Variants in SH2D3C observed in about 807,000 individuals in gnomAD.
The protein encoded by SH2D3C is SH2 domain-containing protein 3C.
SH2D3C carries 25 observed loss-of-function variants against 75.2 expected under a neutral mutation model. The observed-to-expected ratio is 0.33, with a 90% CI of 0.24 to 0.46. SH2D3C has a LOEUF of 0.46. Ranked by LOEUF, SH2D3C falls within the 20% of genes least tolerant of loss-of-function variation. The pLI is 1.00. For missense variants in SH2D3C, 933 were observed against 1,165.3 expected, an observed-to-expected ratio of 0.80 and a Z score of 2.90; for synonymous variants, 450 against 473.7, an observed-to-expected ratio of 0.95 and a Z score of 0.65.
At chr9:127,743,650 C>T (rs1373094247) in intron 7 of SH2D3C, among the ~76,000 whole-genome samples, 2 of 152,232 alleles carry the variant, frequency 1.3e-5, no homozygotes, top group African/African-American at 4.8e-5. Context: ...GTCCTCCCTG[C>T]CACCCTGGAC....
chr9:127,773,022 C>T (rs901623979), intron 2 of SH2D3C, among the ~76,000 whole-genome samples: 6 of 151,636 alleles, frequency 4.0e-5, no homozygotes, highest in Non-Finnish European at 5.9e-5. Context: ...TTAGTAGAGA[C>T]GGGGTTTTAC....
At chr9:127,742,997 CTGT>C in intron 7 of SH2D3C, 33 bp from the exon 8 acceptor site, 1 of 1,531,556 alleles carries the variant, frequency 6.5e-7, no homozygotes, top group Non-Finnish European at 9.0e-7. Flanking sequence ...GATTAATATC[CTGT>C]CAGGGCTGGC....
In SH2D3C at chr9:127,744,934, T is replaced by A; in HGVS notation, c.1430A>T (p.Lys477Met). The part of the protein sequence containing the change: ...PHTSPSHTLG[K>M]ASPSPSLSSY... ...GCTGAGTGATGGTGACGGGGAGGCCTTGCCAAGGGTGTGGGAGGGGCTGGT... is the reference window on the plus strand; with the variant it reads ...GCTGAGTGATGGTGACGGGGAGGCCATGCCAAGGGTGTGGGAGGGGCTGGT... The change falls in exon 7 of 12, where the codon AAG (lysine) becomes ATG (methionine). Residue 477 changes from lysine (K) to methionine (M), a missense_variant. Physicochemically the swap from Lys to Met is moderately conservative, Grantham distance 95. Coordinates refer to ENST00000314830, the MANE Select transcript of SH2D3C (RefSeq NM_170600.3). The A allele has an allele frequency of 6.3e-7, 1 of 1,590,972 alleles. No homozygotes were observed.
At chr9:127,744,393 C>A (rs1469640379) in intron 7 of SH2D3C, among the ~76,000 whole-genome samples, 171 bp downstream of exon 7, 1 of 152,088 alleles carries the variant, frequency 6.6e-6, no homozygotes, top group East Asian at 1.9e-4. Flanking sequence ...AAACTGGAGG[C>A]CCAGTGAGGC....
At position 127,774,357 on chromosome 9, in the gene SH2D3C, A is replaced by T. The variant is rs1210856680; in HGVS notation, c.148T>A (p.Phe50Ile). Residue 50 changes from phenylalanine to isoleucine, a missense_variant, in exon 2 of 12, where the codon TTT becomes ATT. Coordinates refer to ENST00000314830, the MANE Select transcript of SH2D3C (RefSeq NM_170600.3). This position sits in a 1 kb window ranked among gnomAD's most constrained non-coding sequence, Gnocchi z 4.3. ...SRQSHLEPDTFEATQDDMVTV... is the reference protein window; with the variant it reads ...SRQSHLEPDTIEATQDDMVTV... Reference sequence around the variant, plus strand: ...ACCATGTCATCCTGCGTGGCTTCAAAGGTGTCAGGCTCCAAATGGGACTGC... The same window carrying T: ...ACCATGTCATCCTGCGTGGCTTCAATGGTGTCAGGCTCCAAATGGGACTGC... 6.2e-7 allele frequency: 1 copy of T among 1,613,792 alleles called. No individual in the cohort carries two copies.
At chr9:127,772,500 T>C (rs1845754595) in intron 2 of SH2D3C, among the ~76,000 whole-genome samples, 1 of 152,198 alleles carries the variant, frequency 6.6e-6, no homozygotes. Context: ...GACCTTGTGA[T>C]CTGCCTACCT....
intron 4 of SH2D3C, among the ~76,000 whole-genome samples, chr9:127,750,140 TTTATTA>T (rs1005620219): frequency 6.6e-6 from 1 of 150,378 alleles, no homozygotes; most frequent in Non-Finnish European, 1.5e-5. Flanking sequence ...GATGAACTTC[TTTATTA>T]TTATTATTAT....
chr9:127,771,367 A>C, intron 2 of SH2D3C: 2 of 1,349,390 alleles, frequency 1.5e-6, no homozygotes, highest in Non-Finnish European at 9.5e-7. Context: ...GCCCCCAGAC[A>C]CGCCCCTGCG....
chr9:127,768,409 C>T (rs936008773), intron 2 of SH2D3C, among the ~76,000 whole-genome samples: 3 of 151,882 alleles, frequency 2.0e-5, no homozygotes, highest in East Asian at 3.9e-4. Context: ...TCCAAACAGC[C>T]CCTTGGGAGT....
At chr9:127,768,679 T>C (rs2131804676) in intron 2 of SH2D3C, among the ~76,000 whole-genome samples, 1 of 152,324 alleles carries the variant, frequency 6.6e-6, no homozygotes, top group East Asian at 1.9e-4. Flanking sequence ...AGGCCAGCAA[T>C]GGCTCCCGTT....
intron 7 of SH2D3C, among the ~76,000 whole-genome samples, chr9:127,743,941 C>A (rs1467400965): frequency 6.6e-6 from 1 of 152,138 alleles, no homozygotes; most frequent in Non-Finnish European, 1.5e-5. Flanking sequence ...GCTGGCTAAC[C>A]CTCAAGAGGC....
chr9:127,738,444 G>A lies in SH2D3C; in HGVS notation c.*302C>T. On this transcript the variant is annotated 3_prime_UTR_variant, in exon 12 of 12. Coordinates refer to ENST00000314830, the MANE Select transcript of SH2D3C (RefSeq NM_170600.3). This position sits in a 1 kb window ranked among gnomAD's most constrained non-coding sequence, Gnocchi z 5.0. ...TGGTGAGGGACAGACAGAGAGTGAG[G>A]AGGCGTGAGCAGCCTGCCTCCCATG... 1 of 269,512 alleles carries A rather than the reference G, an allele frequency of 3.7e-6. No individual in the cohort carries two copies. The highest frequency in any genetic ancestry group is 7.1e-6 in the Non-Finnish European group (1 of 141,808). 16.7% of individuals were successfully genotyped at this position (269,512 alleles called of 1,614,324 possible).
In SH2D3C at chr9:127,739,660, C is replaced by CA. The variant is rs780557415; in HGVS notation, c.2407+21dup. 2.5e-6 allele frequency: 4 copies of CA among 1,586,206 alleles called. No homozygotes were observed. The highest frequency in any genetic ancestry group is 2.6e-6 in the Non-Finnish European group (3 of 1,162,776). On this transcript the variant is annotated intron_variant, in intron 11 of 11. Coordinates refer to ENST00000314830, the MANE Select transcript of SH2D3C (RefSeq NM_170600.3). This position sits in a 1 kb window ranked among gnomAD's most constrained non-coding sequence, Gnocchi z 4.3. ...GGGAGGCCCAGGCCTGCAAGCCCCC[C>CA]AAGATGCCACCCGCCACTCACCCTG...
At chr9:127,764,696 T>C (rs1564423107) in intron 2 of SH2D3C, among the ~76,000 whole-genome samples, 1 of 151,842 alleles carries the variant, frequency 6.6e-6, no homozygotes, top group Non-Finnish European at 1.5e-5. Flanking sequence ...CCTCCTGCTC[T>C]TTGTTGTTGT....
chr9:127,769,920 G>A lies in SH2D3C; in HGVS notation c.515+4070C>T, dbSNP rs1158591325. Reference sequence around the variant, plus strand: ...TCTAGTGTTGAGCTAGACAACACCTGTCAGGTGCTTGCTGGTTGTCAGCTG... The same window carrying A: ...TCTAGTGTTGAGCTAGACAACACCTATCAGGTGCTTGCTGGTTGTCAGCTG... On this transcript the variant is annotated intron_variant, in intron 2 of 11. Coordinates refer to ENST00000314830, the MANE Select transcript of SH2D3C (RefSeq NM_170600.3). Among the ~76,000 whole-genome samples the A allele has an allele frequency of 2.0e-5, 3 of 152,160 alleles. No individual in the cohort carries two copies. The East Asian group carries it at 5.8e-4, about 29-fold the overall frequency.
Position 127,749,794 on chromosome 9 carries a change from G to A in SH2D3C, c.685-129C>T, listed in dbSNP as rs1845145192. Reference sequence around the variant, plus strand: ...AGACCCAGGGCATAGAGGACCCAATGAACAGAGACATCTGACATCTGAGAG... The same window carrying A: ...AGACCCAGGGCATAGAGGACCCAATAAACAGAGACATCTGACATCTGAGAG... On this transcript the variant is annotated intron_variant, in intron 4 of 11. Transcript: ENST00000314830. This position sits in a 1 kb window ranked among gnomAD's most constrained non-coding sequence, Gnocchi z 5.9. The A allele has an allele frequency of 4.7e-6, 3 of 641,946 alleles. No homozygotes were observed. The East Asian group carries it at 8.2e-5, about 17-fold the overall frequency. The allele number at this position is 641,946 out of a possible 1,614,324, so 39.8% of individuals were successfully genotyped here.
intron 9 of SH2D3C, 49 bp downstream of exon 9, chr9:127,741,739 G>A: frequency 6.3e-7 from 1 of 1,585,864 alleles, no homozygotes; most frequent in Non-Finnish European, 8.6e-7. Flanking sequence ...GCACCCCAGG[G>A]CTCTTCCAGA....
intron 9 of SH2D3C, among the ~76,000 whole-genome samples, chr9:127,740,692 TG>T (rs1330904212): frequency 6.6e-6 from 1 of 152,238 alleles, no homozygotes; most frequent in Non-Finnish European, 1.5e-5. Context: ...TTTATTATTT[TG>T]TTTTTGAGAC....
intron 2 of SH2D3C, among the ~76,000 whole-genome samples, chr9:127,765,249 T>C (rs1053874675): frequency 2.0e-5 from 3 of 152,148 alleles, no homozygotes; most frequent in African/African-American, 7.2e-5. Context: ...AAGTGTGATC[T>C]TCCTCCACTA....
Sources: gnomAD v4.1 joint callset for allele counts (sites outside exome capture counted in the v4.1 genomes callset) on GRCh38, gnomAD v4.1.1 for gene constraint, Gnocchi (gnomAD v3.1) non-coding constraint, MANE v1.5 for transcripts, NCBI Gene and HGNC (gene_info 2026-07-23, HGNC 2026-07-21) for gene names.